Variants in CCNJL observed in about 807,000 individuals in gnomAD.
CCNJL encodes the protein cyclin-J-like protein.
Under a neutral mutation model 33.4 loss-of-function variants are expected in CCNJL, and 33 were observed. That is an observed-to-expected ratio of 0.99 (90% confidence interval 0.75 to 1.32). The LOEUF is 1.32. Among genes scored for constraint, CCNJL ranks in the 40% most tolerant of loss-of-function variants. The probability of loss-of-function intolerance (pLI) is 0.00; values close to 1 mark genes in which losing one functional copy is unlikely to be tolerated. For synonymous variants in CCNJL, 227 were observed against 220.9 expected (o/e 1.03, Z -0.24); for missense variants, 512 against 499.7 (o/e 1.02, Z -0.23).
At chr5:160,303,449 A>G (rs1053994203) in intron 2 of CCNJL, among the ~76,000 whole-genome samples, 1 of 151,350 alleles carries the variant, frequency 6.6e-6, no homozygotes, top group Non-Finnish European at 1.5e-5. Context: ...CAAGTGAGCC[A>G]CCTGCCTCAG....
intron 1 of CCNJL, among the ~76,000 whole-genome samples, chr5:160,328,191 C>T (rs1763563717): frequency 6.6e-6 from 1 of 152,178 alleles, no homozygotes; most frequent in Admixed American, 6.5e-5. Flanking sequence ...TTTCCTGTAA[C>T]CCAGGTATAC....
At chr5:160,266,109 G>T (rs1185279036) in intron 3 of CCNJL, among the ~76,000 whole-genome samples, 1 of 152,232 alleles carries the variant, frequency 6.6e-6, no homozygotes, top group Non-Finnish European at 1.5e-5. Flanking sequence ...ATCAAGGACC[G>T]CCCAGTGGTA....
At chr5:160,312,019 C>T (rs1357570104) in intron 1 of CCNJL, 47 bp from the exon 2 acceptor site, 5 of 1,243,400 alleles carry the variant, frequency 4.0e-6, no homozygotes, top group Non-Finnish European at 5.8e-6. Context: ...ACCCCGGGCT[C>T]CGACCCCCGG....
At chr5:160,337,353 C>T (rs552605946) in intron 1 of CCNJL, among the ~76,000 whole-genome samples, 3 of 152,070 alleles carry the variant, frequency 2.0e-5, no homozygotes, top group Non-Finnish European at 4.4e-5. Flanking sequence ...CTGTCTCCCT[C>T]TTTTGTCATT....
chr5:160,303,084 A>G (rs55897990), intron 2 of CCNJL, among the ~76,000 whole-genome samples: 39,620 of 152,112 alleles, frequency 0.26, 5,350 homozygotes, highest in Non-Finnish European at 0.28. Context: ...CTAAACAAAC[A>G]ATTGATTGTT....
At chr5:160,258,619 T>C in intron 4 of CCNJL, 1 of 1,194,592 alleles carries the variant, frequency 8.4e-7, no homozygotes, top group African/African-American at 1.5e-5. Flanking sequence ...GATGCAGCTG[T>C]TACGAAGATG....
chr5:160,338,865 C>T (rs1022624767), intron 1 of CCNJL, among the ~76,000 whole-genome samples: 3 of 152,100 alleles, frequency 2.0e-5, no homozygotes, highest in African/African-American at 7.2e-5. Context: ...GATCTCAGCT[C>T]ATTGCCACTT....
At chr5:160,312,206 C>G (rs573424479) in intron 1 of CCNJL, among the ~76,000 whole-genome samples, 158 bp downstream of exon 1, 48 of 152,342 alleles carry the variant, frequency 3.2e-4, no homozygotes, top group Admixed American at 2.5e-3. Context: ...TTTTATCTTC[C>G]CTTTTGCAAA....
At chr5:160,310,821 G>A (rs1045009387) in intron 2 of CCNJL, among the ~76,000 whole-genome samples, 4 of 152,188 alleles carry the variant, frequency 2.6e-5, no homozygotes, top group Non-Finnish European at 1.5e-5. Context: ...ACAAGCCGAG[G>A]AATGCCAAGG....
chr5:160,323,497 G>A (rs964560963), intron 1 of CCNJL, among the ~76,000 whole-genome samples: 3 of 152,264 alleles, frequency 2.0e-5, no homozygotes, highest in Middle Eastern at 3.4e-3. Flanking sequence ...AAGAGCTATT[G>A]GCAACTCATG....
chr5:160,300,266 C>T (rs948511416), intron 2 of CCNJL, among the ~76,000 whole-genome samples: 8 of 152,116 alleles, frequency 5.3e-5, no homozygotes, highest in African/African-American at 1.9e-4. Context: ...CACTGCAATG[C>T]GGGGACTAAG....
chr5:160,319,615 C>T (rs181052031), intron 1 of CCNJL, among the ~76,000 whole-genome samples: 5 of 152,166 alleles, frequency 3.3e-5, no homozygotes, highest in East Asian at 1.9e-4. Context: ...TAAAGGACGT[C>T]GTCAATATAG....
intron 3 of CCNJL, among the ~76,000 whole-genome samples, chr5:160,264,770 C>T (rs1216286302): frequency 6.6e-5 from 10 of 152,118 alleles, no homozygotes; most frequent in Admixed American, 5.9e-4. Flanking sequence ...TACTTTCTTT[C>T]TCTATGAAGG....
At chr5:160,277,108 AAAAC>A (rs368486780) in intron 3 of CCNJL, among the ~76,000 whole-genome samples, 179 of 152,232 alleles carry the variant, frequency 1.2e-3, no homozygotes, top group African/African-American at 3.4e-3. Flanking sequence ...TTTCTTTACA[AAAAC>A]AAACAAACAA....
intron 2 of CCNJL, among the ~76,000 whole-genome samples, chr5:160,285,792 T>A (rs576271517): frequency 7.3e-4 from 111 of 152,224 alleles, no homozygotes; most frequent in Non-Finnish European, 1.2e-3. Context: ...TGCCCTACTC[T>A]GAGGGCAATA....
chr5:160,278,542 C>A (rs1177790838), intron 3 of CCNJL, among the ~76,000 whole-genome samples: 1 of 152,142 alleles, frequency 6.6e-6, no homozygotes, highest in Non-Finnish European at 1.5e-5. Context: ...TGGCAGGTGT[C>A]CTGAAAAATC....
chr5:160,262,534 C>T (rs1761385539), intron 3 of CCNJL, among the ~76,000 whole-genome samples: 1 of 152,158 alleles, frequency 6.6e-6, no homozygotes, highest in Admixed American at 6.5e-5. Context: ...GACCTTGTCC[C>T]ACATGAAGAT....
At chr5:160,292,642 T>C (rs1762622838) in intron 2 of CCNJL, among the ~76,000 whole-genome samples, 1 of 151,758 alleles carries the variant, frequency 6.6e-6, no homozygotes, top group Admixed American at 6.6e-5. Flanking sequence ...TATGTGTGTG[T>C]GTATATATAT....
intron 4 of CCNJL, among the ~76,000 whole-genome samples, chr5:160,257,407 G>A (rs1196573025): frequency 2.0e-5 from 3 of 151,928 alleles, no homozygotes; most frequent in Non-Finnish European, 2.9e-5. Context: ...CCTGGGAGGC[G>A]GAGCTTGCAG....
Sources: allele counts gnomAD v4.1 joint callset (sites outside exome capture counted in the v4.1 genomes callset), GRCh38; gene constraint gnomAD v4.1.1; transcripts MANE v1.5; gene names NCBI Gene and HGNC (gene_info 2026-07-23, HGNC 2026-07-21).